RALGPS1: variants seen among roughly 807,000 people sequenced by gnomAD.
RALGPS1 encodes the protein ras-specific guanine nucleotide-releasing factor RalGPS1.
A neutral mutation model predicts 78.8 loss-of-function variants in RALGPS1; 19 were observed. The ratio of observed to expected loss-of-function variants is 0.24; its 90% CI spans 0.17 to 0.35. RALGPS1 has a LOEUF of 0.35. RALGPS1 is among the 10% of genes least tolerant of loss of function. The probability of loss-of-function intolerance (pLI) is 1.00; values close to 1 mark genes in which losing one functional copy is unlikely to be tolerated. For missense variants in RALGPS1, 454 were observed against 688.3 expected, an observed-to-expected ratio of 0.66 and a Z score of 3.81; for synonymous variants, 228 against 256.3, an observed-to-expected ratio of 0.89 and a Z score of 1.06.
intron 11 of RALGPS1, among the ~76,000 whole-genome samples, chr9:127,181,330 C>T (rs2140127893): frequency 6.6e-6 from 1 of 152,358 alleles, no homozygotes; most frequent in Middle Eastern, 3.4e-3. Context: ...TTGTCATGTG[C>T]TCACTCAGTG....
At chr9:127,016,291 G>T (rs1414686054) in intron 4 of RALGPS1, among the ~76,000 whole-genome samples, 50 of 152,276 alleles carry the variant, frequency 3.3e-4, no homozygotes, top group Admixed American at 3.1e-3. Context: ...GTCTCCAGGG[G>T]CAGGTCTTAC....
At chr9:127,070,901 C>G (rs139592874) in intron 8 of RALGPS1, among the ~76,000 whole-genome samples, 2 of 151,504 alleles carry the variant, frequency 1.3e-5, no homozygotes, top group African/African-American at 4.8e-5. Flanking sequence ...TCTTTTAAAG[C>G]CAACTTGGAA....
chr9:127,191,319 T>G (rs903408797), intron 11 of RALGPS1, among the ~76,000 whole-genome samples: 7 of 152,206 alleles, frequency 4.6e-5, no homozygotes, highest in Non-Finnish European at 8.8e-5. Context: ...ATAATGATTG[T>G]CTCCTATTTT....
intron 18 of RALGPS1, chr9:127,216,006 G>A (rs1399755608): frequency 6.6e-6 from 1 of 152,330 alleles, no homozygotes; most frequent in African/African-American, 2.4e-5. Context: ...TCTGAAGTCT[G>A]GGGGACCTCA....
At chr9:127,072,925 AT>A (rs751621492) in intron 8 of RALGPS1, among the ~76,000 whole-genome samples, 2 of 151,902 alleles carry the variant, frequency 1.3e-5, no homozygotes, top group African/African-American at 2.4e-5. Flanking sequence ...TTTCATTTGG[AT>A]TTTTTTGCCA....
intron 11 of RALGPS1, among the ~76,000 whole-genome samples, chr9:127,190,018 T>C (rs1483249937): frequency 6.6e-6 from 1 of 152,204 alleles, no homozygotes; most frequent in East Asian, 1.9e-4. Flanking sequence ...TTGTCCTCAC[T>C]ATCCGTATTT....
chr9:127,006,309 A>T (rs753715640), intron 4 of RALGPS1, among the ~76,000 whole-genome samples: 3 of 152,178 alleles, frequency 2.0e-5, no homozygotes, highest in Non-Finnish European at 2.9e-5. Flanking sequence ...GGACTTAAGA[A>T]AAAAGAAGCG....
In RALGPS1 at chr9:127,051,000, T is replaced by C. The variant is rs541106081; in HGVS notation, c.390+868T>C. 3.3e-5 allele frequency among the ~76,000 whole-genome samples: 5 copies of C among 152,326 alleles called. No homozygotes were observed. In the East Asian group the frequency reaches 9.6e-4, roughly 29 times the overall value. On this transcript the variant is annotated intron_variant, in intron 6 of 18. Transcript: ENST00000259351. ...GGAAGGAGAACTTAGAGAGGTGAAG[T>C]GTCCATGCTCAGGGCCCCATAGCCA...
At chr9:127,124,189 C>G (rs1211762212) in intron 8 of RALGPS1, among the ~76,000 whole-genome samples, 3 of 152,150 alleles carry the variant, frequency 2.0e-5, no homozygotes, top group African/African-American at 7.2e-5. Context: ...TTGCTTGTGA[C>G]CAGAGGAATG....
intron 7 of RALGPS1, among the ~76,000 whole-genome samples, chr9:127,062,819 A>G (rs1294518223): frequency 2.0e-5 from 3 of 152,186 alleles, no homozygotes; most frequent in African/African-American, 7.2e-5. Flanking sequence ...CATTGCATCT[A>G]ATATTTTATA....
intron 1 of RALGPS1, among the ~76,000 whole-genome samples, chr9:126,960,779 TC>T (rs147382283): frequency 0.039 from 5,931 of 152,222 alleles, 177 homozygotes; most frequent in Middle Eastern, 0.068. Flanking sequence ...CAAATCAAAT[TC>T]ATCATCCTTC....
At chr9:127,001,977 T>C (rs1055417859) in intron 4 of RALGPS1, among the ~76,000 whole-genome samples, 4 of 152,214 alleles carry the variant, frequency 2.6e-5, no homozygotes, top group East Asian at 1.9e-4. Context: ...TATTATCTTT[T>C]AAAGAAATTT....
intron 10 of RALGPS1, among the ~76,000 whole-genome samples, chr9:127,170,496 A>T (rs1177489259): frequency 6.6e-6 from 1 of 152,268 alleles, no homozygotes; most frequent in Admixed American, 6.5e-5. Flanking sequence ...GCCAGAGATT[A>T]CCATTAAAAT....
intron 8 of RALGPS1, among the ~76,000 whole-genome samples, chr9:127,145,200 G>A (rs1050047643): frequency 1.3e-5 from 2 of 152,154 alleles, no homozygotes; most frequent in African/African-American, 4.8e-5. Context: ...TCTACAAGAG[G>A]ACAGCTGCTC....
At chr9:127,050,163 T>C (rs780065883) in intron 6 of RALGPS1, 31 bp downstream of exon 6, 2 of 1,526,916 alleles carry the variant, frequency 1.3e-6, no homozygotes, top group East Asian at 4.5e-5. Context: ...TTTCCTTCCT[T>C]TCCCTCTTCT....
At chr9:127,003,817 C>T (rs2043577623) in intron 4 of RALGPS1, among the ~76,000 whole-genome samples, 2 of 152,042 alleles carry the variant, frequency 1.3e-5, no homozygotes. Context: ...CAGCCCATCA[C>T]CTAGGTAAAA....
intron 8 of RALGPS1, among the ~76,000 whole-genome samples, chr9:127,081,323 C>T (rs1045658346): frequency 7.2e-5 from 11 of 152,194 alleles, no homozygotes; most frequent in Non-Finnish European, 1.3e-4. Flanking sequence ...ACTGATCAGC[C>T]ACCCTCTGCC....
At chr9:126,975,091 G>T (rs1176499886) in intron 3 of RALGPS1, among the ~76,000 whole-genome samples, 1 of 152,120 alleles carries the variant, frequency 6.6e-6, no homozygotes, top group Non-Finnish European at 1.5e-5. Flanking sequence ...ATAATCTGAT[G>T]ATCTTTGTAA....
chr9:127,037,266 T>A (rs921233098), intron 5 of RALGPS1, among the ~76,000 whole-genome samples: 5 of 152,214 alleles, frequency 3.3e-5, no homozygotes, highest in African/African-American at 1.2e-4. Flanking sequence ...AGGTTGGCCT[T>A]GTATCACAAA....
Sources: gnomAD v4.1 joint callset for allele counts (sites outside exome capture counted in the v4.1 genomes callset) on GRCh38, gnomAD v4.1.1 for gene constraint, MANE v1.5 for transcripts, NCBI Gene and HGNC (gene_info 2026-07-23, HGNC 2026-07-21) for gene names.